The following LRRTM4 variants were observed in gnomAD, a reference collection of about 807,000 sequenced individuals.
LRRTM4 encodes the protein leucine-rich repeat transmembrane neuronal protein 4.
Under a neutral mutation model 47.6 loss-of-function variants are expected in LRRTM4, and 25 were observed. The ratio of observed to expected loss-of-function variants is 0.53; its 90% CI spans 0.38 to 0.73. LRRTM4 has a LOEUF of 0.73. Ranked by LOEUF, LRRTM4 falls within the 30% of genes least tolerant of loss-of-function variation. The pLI is 0.00. For missense variants in LRRTM4, 638 were observed against 713.4 expected, an observed-to-expected ratio of 0.89 and a Z score of 1.20; for synonymous variants, 311 against 269.5, an observed-to-expected ratio of 1.15 and a Z score of -1.51.
chr2:77,452,356 C>T lies in LRRTM4; in HGVS notation c.1551+65962G>A, dbSNP rs377565285. 6.3e-4 allele frequency among the ~76,000 whole-genome samples: 95 copies of T among 151,984 alleles called. 1 individual carries two copies. Among genetic ancestry groups the T allele is most frequent in the East Asian group, 4.8e-3 (25 of 5,156 alleles). On this transcript the variant is annotated intron_variant, in intron 3 of 3. Coordinates refer to ENST00000409884, the MANE Select transcript of LRRTM4 (RefSeq NM_001134745.3). ...ACAGGACTTGCTGATGGATTGGATG[C>T]GGGGAGTAAAGGAAAAGAGAGATAA... is the stretch of plus-strand genomic sequence containing the variant.
intron 3 of LRRTM4, among the ~76,000 whole-genome samples, chr2:76,847,383 A>C (rs988770924): frequency 3.3e-5 from 5 of 152,126 alleles, no homozygotes; most frequent in African/African-American, 9.6e-5. Flanking sequence ...TGAAAATTCC[A>C]AAATAATTCT....
chr2:76,941,178 A>G (rs1675130236), intron 3 of LRRTM4, among the ~76,000 whole-genome samples: 1 of 152,228 alleles, frequency 6.6e-6, no homozygotes, highest in African/African-American at 2.4e-5. Context: ...AAACAAAAAC[A>G]AAAAGGAAAG....
At chr2:76,796,250 G>T (rs1205569810) in intron 3 of LRRTM4, among the ~76,000 whole-genome samples, 1 of 74,106 alleles carries the variant, frequency 1.3e-5, no homozygotes, top group African/African-American at 8.5e-5. Context: ...AGGGGTGCCC[G>T]CCATTGAACA....
chr2:77,295,809 C>T (rs1451587795), intron 3 of LRRTM4, among the ~76,000 whole-genome samples: 1 of 151,976 alleles, frequency 6.6e-6, no homozygotes, highest in African/African-American at 2.4e-5. Context: ...GATGAGGGCC[C>T]ACTCTAATTA....
intron 3 of LRRTM4, among the ~76,000 whole-genome samples, chr2:76,813,889 T>C (rs1670820678): frequency 7.1e-6 from 1 of 141,412 alleles, no homozygotes; most frequent in South Asian, 2.4e-4. Flanking sequence ...TTGCCACAAC[T>C]ATGAACCAAT....
chr2:77,003,608 A>G (rs1321301695), intron 3 of LRRTM4, among the ~76,000 whole-genome samples: 3 of 152,132 alleles, frequency 2.0e-5, no homozygotes, highest in Non-Finnish European at 2.9e-5. Flanking sequence ...CTTTCTTGCC[A>G]TGTAGAATTA....
At chr2:76,919,142 A>G (rs1350335742) in intron 3 of LRRTM4, among the ~76,000 whole-genome samples, 1 of 152,164 alleles carries the variant, frequency 6.6e-6, no homozygotes, top group East Asian at 1.9e-4. Context: ...CAACCAGGGA[A>G]ATTCACCAGA....
chr2:77,000,234 G>A lies in LRRTM4; in HGVS notation c.1552-251318C>T, dbSNP rs577788253. The stretch of plus-strand genomic sequence containing the variant: ...ACAGCTGGACACAGGAGAATGTTTT[G>A]CCCTCATTAGTGAGCAATTTCTTCT... On this transcript the variant is annotated intron_variant, in intron 3 of 3. Transcript: ENST00000409884. Among the ~76,000 whole-genome samples the A allele has an allele frequency of 4.6e-5, 7 of 151,886 alleles. No individual in the cohort carries two copies. The South Asian group carries it at 1.2e-3, about 27-fold the overall frequency.
chr2:77,378,689 A>G (rs1195947593), intron 3 of LRRTM4, among the ~76,000 whole-genome samples: 3 of 152,088 alleles, frequency 2.0e-5, no homozygotes, highest in Non-Finnish European at 4.4e-5. Context: ...CCAAGCTTTG[A>G]AGCCAGGCTT....
At chr2:77,406,552 T>G (rs1429310572) in intron 3 of LRRTM4, among the ~76,000 whole-genome samples, 1 of 152,094 alleles carries the variant, frequency 6.6e-6, no homozygotes, top group East Asian at 1.9e-4. Flanking sequence ...TCCTCCAACT[T>G]CGGCTTCCCA....
intron 3 of LRRTM4, among the ~76,000 whole-genome samples, chr2:76,926,333 A>G (rs1674588569): frequency 6.6e-6 from 1 of 152,116 alleles, no homozygotes; most frequent in Admixed American, 6.6e-5. Context: ...ACCACTGCCA[A>G]TCAACAATAG....
At position 77,314,039 on chromosome 2, in the gene LRRTM4, A is replaced by G. The variant is rs115029188; in HGVS notation, c.1551+204279T>C. 4.2e-3 allele frequency among the ~76,000 whole-genome samples: 641 copies of G among 152,320 alleles called. 2 individuals carry two copies. The highest frequency in any genetic ancestry group is 0.014 in the African/African-American group (597 of 41,566). ...CCAAATAGTTTGTAATGCAACTTAC[A>G]ATATCCTATTTGGCTAAAGAGGTAA... On this transcript the variant is annotated intron_variant, in intron 3 of 3. Transcript: ENST00000409884.
chr2:77,041,363 T>C (rs1483621633), intron 3 of LRRTM4, among the ~76,000 whole-genome samples: 3 of 151,558 alleles, frequency 2.0e-5, no homozygotes, highest in African/African-American at 2.4e-5. Context: ...AAGTGAATAG[T>C]GTTGCAATAG....
At chr2:77,304,693 C>T (rs544415171) in intron 3 of LRRTM4, among the ~76,000 whole-genome samples, 1 of 152,086 alleles carries the variant, frequency 6.6e-6, no homozygotes, top group Non-Finnish European at 1.5e-5. Context: ...CTAGCATGTA[C>T]TAAGCAATTA....
intron 3 of LRRTM4, among the ~76,000 whole-genome samples, chr2:77,392,176 T>A (rs1047595577): frequency 1.3e-5 from 2 of 151,984 alleles, no homozygotes; most frequent in Admixed American, 6.6e-5. Context: ...ACAATCTCCA[T>A]CCCTATATCT....
chr2:77,220,732 C>T (rs1434752475), intron 3 of LRRTM4, among the ~76,000 whole-genome samples: 1 of 152,170 alleles, frequency 6.6e-6, no homozygotes, highest in Non-Finnish European at 1.5e-5. Flanking sequence ...CATCTGATTG[C>T]TGTACCTGAA....
At chr2:76,902,189 G>C (rs1673660270) in intron 3 of LRRTM4, among the ~76,000 whole-genome samples, 1 of 152,070 alleles carries the variant, frequency 6.6e-6, no homozygotes, top group South Asian at 2.1e-4. Context: ...CCATCTCCAA[G>C]TCTTTGTGAA....
intron 3 of LRRTM4, among the ~76,000 whole-genome samples, chr2:77,195,534 C>G (rs536364404): frequency 8.6e-5 from 13 of 151,878 alleles, no homozygotes; most frequent in Non-Finnish European, 1.3e-4. Flanking sequence ...TATCAAATAC[C>G]TTTACTGCAC....
intron 3 of LRRTM4, among the ~76,000 whole-genome samples, chr2:76,946,164 GAGTA>G (rs1199352497): frequency 1.3e-4 from 19 of 151,896 alleles, no homozygotes; most frequent in South Asian, 6.2e-4. Context: ...TCCTTCTGCA[GAGTA>G]AGTATTTCAA....
Sources: allele counts gnomAD v4.1 joint callset (sites outside exome capture counted in the v4.1 genomes callset), GRCh38; gene constraint gnomAD v4.1.1; transcripts MANE v1.5; gene names NCBI Gene and HGNC (gene_info 2026-07-23, HGNC 2026-07-21).